The following MAK variants were observed in gnomAD, a reference collection of about 807,000 sequenced individuals.
MAK encodes the protein serine/threonine-protein kinase MAK.
In MAK, 65 loss-of-function variants were observed where a neutral mutation model predicts 82.6. The ratio of observed to expected loss-of-function variants is 0.79; its 90% CI spans 0.64 to 0.97. MAK has a LOEUF of 0.97. MAK is among the 50% of genes least tolerant of loss of function. The probability of loss-of-function intolerance (pLI) is 0.00; values close to 1 mark genes in which losing one functional copy is unlikely to be tolerated. For synonymous variants in MAK, 250 were observed against 274.2 expected (o/e 0.91, Z 0.87); for missense variants, 703 against 780.2 (o/e 0.90, Z 1.18).
chr6:10,798,870 C>T lies in MAK; in HGVS notation c.832-2561G>A, dbSNP rs370690065. Among the ~76,000 whole-genome samples, 10 of 151,818 alleles carry T rather than the reference C, an allele frequency of 6.6e-5. No homozygotes were observed. The East Asian group carries it at 1.9e-3, about 29-fold the overall frequency. The stretch of plus-strand genomic sequence containing the variant: ...TTTGAGACAGAGTCTCACTCTGTCA[C>T]CCAGGCTGGAGTGCAGTGGCACGAT... On this transcript the variant is annotated intron_variant, in intron 8 of 14. Coordinates refer to ENST00000354489, the MANE Select transcript of MAK (RefSeq NM_001242957.3).
intron 11 of MAK, among the ~76,000 whole-genome samples, chr6:10,782,202 T>TCACTCACACACACACA (rs1774046651): frequency 6.8e-6 from 1 of 146,054 alleles, no homozygotes; most frequent in African/African-American, 2.5e-5. Flanking sequence ...TGAAACTCTG[T>TCACTCACACACACACA]CACACACACA....
At chr6:10,813,841 A>G (rs1777251505) in intron 4 of MAK, 118 bp from the exon 5 acceptor site, 6 of 734,892 alleles carry the variant, frequency 8.2e-6, no homozygotes, top group Admixed American at 7.6e-5. Context: ...GGTTAAACCT[A>G]TGATTTATAG....
At chr6:10,785,743 C>T (rs1326171359) in intron 10 of MAK, among the ~76,000 whole-genome samples, 1 of 152,238 alleles carries the variant, frequency 6.6e-6, no homozygotes, top group African/African-American at 2.4e-5. Context: ...ATAGACAGAA[C>T]TCCCAGAGCT....
intron 14 of MAK, 132 bp from the exon 15 acceptor site, chr6:10,764,738 A>C: frequency 1.1e-6 from 1 of 942,472 alleles, no homozygotes; most frequent in Non-Finnish European, 1.7e-6. Flanking sequence ...GTACTCTCTG[A>C]GGCTTTTTAA....
chr6:10,797,609 C>G, intron 8 of MAK: 1 of 985,390 alleles, frequency 1.0e-6, no homozygotes, highest in South Asian at 4.7e-5. Flanking sequence ...TTATTGGCAT[C>G]AAATACCTGG....
At chr6:10,809,443 G>A (rs1447269189) in intron 5 of MAK, among the ~76,000 whole-genome samples, 2 of 152,020 alleles carry the variant, frequency 1.3e-5, no homozygotes, top group East Asian at 1.9e-4. Context: ...CAATCCTCTC[G>A]GCCCACTAAG....
At chr6:10,792,272 T>G (rs1775154706) in intron 9 of MAK, among the ~76,000 whole-genome samples, 1 of 152,172 alleles carries the variant, frequency 6.6e-6, no homozygotes, top group Non-Finnish European at 1.5e-5. Flanking sequence ...CCTCCTTGAA[T>G]GCAGACACGA....
chr6:10,808,510 C>G (rs1776670249), intron 6 of MAK, among the ~76,000 whole-genome samples: 1 of 152,028 alleles, frequency 6.6e-6, no homozygotes, highest in African/African-American at 2.4e-5. Context: ...AGAGATTTTT[C>G]TTTTCTTTTT....
At chr6:10,779,319 GGCTTACAGAGTGA>G (rs1425914424) in intron 11 of MAK, 1 of 983,920 alleles carries the variant, frequency 1.0e-6, no homozygotes, top group East Asian at 1.1e-4. Flanking sequence ...AAGTACCTAA[GGCTTACAGAGTGA>G]GCTGACAGAT....
Position 10,800,772 on chromosome 6 carries a change from A to G in MAK, c.831+1120T>C, listed in dbSNP as rs1330069902. Among the ~76,000 whole-genome samples the G allele has an allele frequency of 6.6e-6, 1 of 152,012 alleles. No homozygotes were observed. Among genetic ancestry groups the G allele is most frequent in the African/African-American group, 2.4e-5 (1 of 41,378 alleles). On this transcript the variant is annotated intron_variant, in intron 8 of 14. Transcript: ENST00000354489. This position sits in a 1 kb window ranked among gnomAD's most constrained non-coding sequence, Gnocchi z 4.2. ...GGAGAATCACTTGAACCCAGGAGGCAGAGGTTGCGGTGAGCCGAGATCATG... is the reference window on the plus strand; with the variant it reads ...GGAGAATCACTTGAACCCAGGAGGCGGAGGTTGCGGTGAGCCGAGATCATG...
In MAK at chr6:10,793,901, C is replaced by T. The variant is rs1371030388; in HGVS notation, c.1144-2054G>A. Among the ~76,000 whole-genome samples, 2 of 152,170 alleles carry T rather than the reference C, an allele frequency of 1.3e-5. No homozygotes were observed. The highest frequency in any genetic ancestry group is 4.8e-5 in the African/African-American group (2 of 41,444). On this transcript the variant is annotated intron_variant, in intron 9 of 14. Transcript: ENST00000354489. The surrounding 1 kb of genome is among the most constrained non-coding windows in gnomAD (Gnocchi z 4.6). ...AGAATGTCGGAGGTGATTCGCCCTG[C>T]TCTATATTCCCTGCCTGCTGTCTGC...
At chr6:10,822,331 A>G (rs1488134261) in intron 2 of MAK, among the ~76,000 whole-genome samples, 2 of 149,900 alleles carry the variant, frequency 1.3e-5, no homozygotes, top group Admixed American at 1.3e-4. Flanking sequence ...GCGCATGCCT[A>G]TAATCCCAGC....
rs1193777309 is a variant in MAK at position 10,764,361 on chromosome 6, G to C, written c.*91C>G. On this transcript the variant is annotated 3_prime_UTR_variant, in exon 15 of 15. Coordinates refer to ENST00000354489, the MANE Select transcript of MAK (RefSeq NM_001242957.3). ...TTTTGCATATTTCTTCCAGAACTCAGTAGAAATAGACATTTGTAGACATTT... is the reference window on the plus strand; with the variant it reads ...TTTTGCATATTTCTTCCAGAACTCACTAGAAATAGACATTTGTAGACATTT... 1 of 1,396,768 alleles carries C rather than the reference G, an allele frequency of 7.2e-7. No individual in the cohort carries two copies. The highest frequency in any genetic ancestry group is 1.4e-5 in the African/African-American group (1 of 70,220). 86.5% of individuals were successfully genotyped at this position (1,396,768 alleles called of 1,614,324 possible).
At chr6:10,784,377 C>G in intron 11 of MAK, 47 bp downstream of exon 11, 1 of 1,604,012 alleles carries the variant, frequency 6.2e-7, no homozygotes. Context: ...TGAACCTGAC[C>G]TATCTATACT....
intron 14 of MAK, among the ~76,000 whole-genome samples, chr6:10,766,039 G>A (rs186893465): frequency 6.6e-6 from 1 of 152,144 alleles, no homozygotes; most frequent in Admixed American, 6.5e-5. Context: ...CCTCCTTCAC[G>A]CTTTCCTCAC....
At position 10,810,553 on chromosome 6, in the gene MAK, G is replaced by A. The variant is rs142619501; in HGVS notation, c.359-1611C>T. On this transcript the variant is annotated intron_variant, in intron 5 of 14. Coordinates refer to ENST00000354489, the MANE Select transcript of MAK (RefSeq NM_001242957.3). Reference sequence around the variant, plus strand: ...ACTGGATTTTGCCATGTTGGCCAGGGTGGTCTCAAACTTCTGACCTTGTGA... The same window carrying A: ...ACTGGATTTTGCCATGTTGGCCAGGATGGTCTCAAACTTCTGACCTTGTGA... 1.9e-4 allele frequency among the ~76,000 whole-genome samples: 29 copies of A among 152,088 alleles called. 1 individual carries two copies. In the East Asian group the frequency reaches 5.6e-3, roughly 29 times the overall value.
chr6:10,813,128 ATATATAAATTTT>A (rs1777158981), intron 5 of MAK, among the ~76,000 whole-genome samples: 2 of 682 alleles, frequency 2.9e-3, no homozygotes, highest in African/African-American at 4.9e-3. Context: ...ATATATATAT[ATATATAAATTTT>A]TTTTTTTTTT....
chr6:10,776,956 A>T lies in MAK; in HGVS notation c.1466-1497T>A, dbSNP rs1308285333. ...AAAAATTAGCCAGGCATGAGACAGG[A>T]GAATCGCTTGAACCTGGGAGGCAGA... On this transcript the variant is annotated intron_variant, in intron 11 of 14. Coordinates refer to ENST00000354489, the MANE Select transcript of MAK (RefSeq NM_001242957.3). The surrounding 1 kb of genome is among the most constrained non-coding windows in gnomAD (Gnocchi z 4.3). Among the ~76,000 whole-genome samples, 1 of 151,732 alleles carries T rather than the reference A, an allele frequency of 6.6e-6. No individual in the cohort carries two copies. Among genetic ancestry groups the T allele is most frequent in the East Asian group, 1.9e-4 (1 of 5,154 alleles).
intron 12 of MAK, among the ~76,000 whole-genome samples, chr6:10,775,097 T>C (rs1034123914): frequency 6.6e-6 from 1 of 152,136 alleles, no homozygotes; most frequent in Non-Finnish European, 1.5e-5. Context: ...GGATTACAGG[T>C]GTGAACCACC....
Sources: allele counts gnomAD v4.1 joint callset (sites outside exome capture counted in the v4.1 genomes callset), GRCh38; gene constraint gnomAD v4.1.1; non-coding constraint Gnocchi (gnomAD v3.1); transcripts MANE v1.5; gene names NCBI Gene and HGNC (gene_info 2026-07-23, HGNC 2026-07-21).